Variants in EFR3A observed in about 807,000 individuals in gnomAD.
EFR3A encodes the protein protein EFR3 homolog A.
Under a neutral mutation model 104.4 loss-of-function variants are expected in EFR3A, and 76 were observed. The observed-to-expected ratio is 0.73, with a 90% CI of 0.60 to 0.88. The LOEUF (loss-of-function observed/expected upper bound fraction) is 0.88. Among genes scored for constraint, EFR3A ranks in the 40% least tolerant of loss-of-function variants. The pLI, the probability that EFR3A is intolerant of heterozygous loss-of-function variation, is 0.00. For synonymous variants in EFR3A, 330 were observed against 330.0 expected (o/e 1.00, Z 0.00); for missense variants, 985 against 1,012.5 (o/e 0.97, Z 0.37).
chr8:131,935,499 T>C, intron 1 of EFR3A: 1 of 448,702 alleles, frequency 2.2e-6, no homozygotes, highest in Non-Finnish European at 4.5e-6. Flanking sequence ...GGCACTGTCA[T>C]TTAAAAGTAT....
At chr8:131,983,227 A>T (rs1366329943) in intron 14 of EFR3A, among the ~76,000 whole-genome samples, 1 of 152,156 alleles carries the variant, frequency 6.6e-6, no homozygotes, top group Non-Finnish European at 1.5e-5. Context: ...AGTGTTCTTA[A>T]CCCTGCCTGC....
chr8:132,003,050 A>G (rs1821863323), intron 21 of EFR3A, among the ~76,000 whole-genome samples, 186 bp from the exon 22 acceptor site: 1 of 152,172 alleles, frequency 6.6e-6, no homozygotes, highest in African/African-American at 2.4e-5. Context: ...AAGGGAAAAA[A>G]AGACAACCCT....
chr8:131,979,290 G>A, intron 13 of EFR3A, 56 bp from the exon 14 acceptor site: 2 of 1,274,080 alleles, frequency 1.6e-6, no homozygotes, highest in East Asian at 2.5e-5. Flanking sequence ...CATATAAGAT[G>A]TGATATTGTA....
rs180890785 is a variant in EFR3A at position 131,985,183 on chromosome 8, A to G, written c.1869+123A>G. On this transcript the variant is annotated intron_variant, in intron 16 of 22. Coordinates refer to ENST00000254624, the MANE Select transcript of EFR3A (RefSeq NM_015137.6). ...AATTAAGGTAATTCTATAAAAATCT[A>G]CAGCCAGTAAACTGAAACTACAGCT... 8,302 of 1,008,394 alleles carry G rather than the reference A, an allele frequency of 8.2e-3. 50 individuals carry two copies. Among genetic ancestry groups the G allele is most frequent in the South Asian group, 0.011 (649 of 57,604 alleles). 62.5% of individuals were successfully genotyped at this position (1,008,394 alleles called of 1,614,324 possible).
intron 14 of EFR3A, 80 bp downstream of exon 14, chr8:131,979,501 T>G: frequency 2.0e-6 from 2 of 1,010,354 alleles, no homozygotes; most frequent in Non-Finnish European, 1.5e-6. Context: ...TATTGATCTG[T>G]GCCCTTGAAA....
At chr8:131,941,328 A>G (rs1818162497) in intron 2 of EFR3A, among the ~76,000 whole-genome samples, 1 of 152,030 alleles carries the variant, frequency 6.6e-6, no homozygotes, top group Admixed American at 6.6e-5. Flanking sequence ...CTCCTGTTAA[A>G]TGAATAGGAA....
intron 18 of EFR3A, among the ~76,000 whole-genome samples, chr8:131,988,397 TAGAA>T (rs1821007275): frequency 1.3e-5 from 2 of 152,120 alleles, no homozygotes; most frequent in Non-Finnish European, 2.9e-5. Flanking sequence ...TGATTTCACT[TAGAA>T]AGATTTCTGG....
chr8:131,953,747 A>G (rs981147536), intron 5 of EFR3A, 71 bp from the exon 6 acceptor site: 38 of 1,324,414 alleles, frequency 2.9e-5, no homozygotes, highest in African/African-American at 4.5e-5. Flanking sequence ...CCATTCTCTT[A>G]GCTACGCAAA....
Position 131,940,496 on chromosome 8 carries a change from C to G in EFR3A, c.11-3C>G. The G allele has an allele frequency of 6.4e-7, 1 of 1,560,088 alleles. No individual in the cohort carries two copies. The highest frequency in any genetic ancestry group is 8.7e-7 in the Non-Finnish European group (1 of 1,153,030). On this transcript the variant is annotated splice_polypyrimidine_tract_variant and splice_region_variant and intron_variant, in intron 1 of 22. Transcript: ENST00000254624. Reference sequence around the variant, plus strand: ...TATTTCTTGATTTTTTTTTTTTTAACAGGAGTATGCTGCTGCTGTTCCGCT... The same window carrying G: ...TATTTCTTGATTTTTTTTTTTTTAAGAGGAGTATGCTGCTGCTGTTCCGCT...
intron 1 of EFR3A, among the ~76,000 whole-genome samples, chr8:131,930,237 G>T (rs1214571659): frequency 6.6e-6 from 1 of 152,084 alleles, no homozygotes; most frequent in African/African-American, 2.4e-5. Flanking sequence ...TGCAGATATA[G>T]ATTTGGTGCT....
At chr8:131,930,484 A>C (rs990972709) in intron 1 of EFR3A, among the ~76,000 whole-genome samples, 3 of 111,248 alleles carry the variant, frequency 2.7e-5, no homozygotes, top group Admixed American at 1.8e-4. Flanking sequence ...TCTTAAGAGA[A>C]ATTTCAAAGG....
intron 4 of EFR3A, 132 bp from the exon 5 acceptor site, chr8:131,949,837 A>T: frequency 1.2e-6 from 1 of 832,708 alleles, no homozygotes; most frequent in Non-Finnish European, 1.8e-6. Context: ...CTTCTGTATT[A>T]ATGTTGTATT....
chr8:131,926,741 T>C (rs1817318315), intron 1 of EFR3A, among the ~76,000 whole-genome samples: 1 of 152,094 alleles, frequency 6.6e-6, no homozygotes, highest in African/African-American at 2.4e-5. Context: ...CTCCTTAGCC[T>C]CCCGAGTAAC....
rs1202997441 is a variant in EFR3A at position 131,986,303 on chromosome 8, G to C, written c.1937+42G>C. On this transcript the variant is annotated intron_variant, in intron 17 of 22. Coordinates refer to ENST00000254624, the MANE Select transcript of EFR3A (RefSeq NM_015137.6). ...CATTTTAAGGATGGGGTACTGACTT[G>C]ATAAACCCATCAGTAATAATTATAA... 5 of 995,890 alleles carry C rather than the reference G, an allele frequency of 5.0e-6. No homozygotes were observed. The Admixed American group carries it at 1.1e-4, about 23-fold the overall frequency. The allele number at this position is 995,890 out of a possible 1,614,324, so 61.7% of individuals were successfully genotyped here. A position where few individuals can be genotyped will look rare whatever the true frequency, so the allele number is the denominator to read the frequency against.
chr8:131,977,243 A>AT (rs1401035571), intron 12 of EFR3A, among the ~76,000 whole-genome samples, 151 bp downstream of exon 12: 1 of 152,046 alleles, frequency 6.6e-6, no homozygotes, highest in Non-Finnish European at 1.5e-5. Flanking sequence ...AGATTATCCA[A>AT]TTTTTTTACC....
chr8:132,008,666 A>G (rs944654182), intron 22 of EFR3A, among the ~76,000 whole-genome samples: 3 of 151,896 alleles, frequency 2.0e-5, no homozygotes, highest in South Asian at 2.1e-4. Flanking sequence ...TAGTTGTTGC[A>G]TGTGGATGTA....
chr8:131,934,477 C>G (rs749834511), intron 1 of EFR3A, among the ~76,000 whole-genome samples: 27 of 152,146 alleles, frequency 1.8e-4, no homozygotes, highest in Non-Finnish European at 2.9e-4. Flanking sequence ...ATTGGAGAGC[C>G]TTTGTCCTAA....
chr8:132,003,988 T>C (rs1481369619), intron 22 of EFR3A, among the ~76,000 whole-genome samples: 2 of 152,206 alleles, frequency 1.3e-5, no homozygotes, highest in African/African-American at 4.8e-5. Flanking sequence ...TTTCATATTT[T>C]TAACTTGATT....
chr8:131,988,148 AT>A (rs992853238), intron 18 of EFR3A, among the ~76,000 whole-genome samples: 9 of 149,764 alleles, frequency 6.0e-5, no homozygotes, highest in Non-Finnish European at 8.9e-5. Context: ...TGAGTTAGGA[AT>A]TTTTTTTTCT....
Sources: gnomAD v4.1 joint callset for allele counts (sites outside exome capture counted in the v4.1 genomes callset) on GRCh38, gnomAD v4.1.1 for gene constraint, MANE v1.5 for transcripts, NCBI Gene and HGNC (gene_info 2026-07-23, HGNC 2026-07-21) for gene names.